The following CPQ variants were observed in gnomAD, a reference collection of about 807,000 sequenced individuals.
The protein encoded by CPQ is carboxypeptidase Q, also known as Ser-Met dipeptidase.
In CPQ, 37 loss-of-function variants were observed where a neutral mutation model predicts 45.7. That is an observed-to-expected ratio of 0.81 (90% CI 0.62 to 1.07). The LOEUF (loss-of-function observed/expected upper bound fraction) is 1.07. Among genes scored for constraint, CPQ ranks in the 50% least tolerant of loss-of-function variants. The pLI, the probability that CPQ is intolerant of heterozygous loss-of-function variation, is 0.00. For missense variants in CPQ, 537 were observed against 572.9 expected (o/e 0.94, Z 0.64); for synonymous variants, 186 against 205.8 (o/e 0.90, Z 0.82).
intron 2 of CPQ, among the ~76,000 whole-genome samples, chr8:96,795,505 A>G (rs1810916594): frequency 6.6e-6 from 1 of 151,884 alleles, no homozygotes; most frequent in South Asian, 2.1e-4. Context: ...TATCATTTCT[A>G]TTTTTCCTTT....
At chr8:96,954,334 T>A (rs1209077499) in intron 4 of CPQ, among the ~76,000 whole-genome samples, 2 of 152,236 alleles carry the variant, frequency 1.3e-5, no homozygotes, top group East Asian at 3.9e-4. Context: ...TTTAACTGAT[T>A]TAATGTATGA....
chr8:96,652,061 T>C (rs1815582593), intron 1 of CPQ, among the ~76,000 whole-genome samples: 2 of 152,234 alleles, frequency 1.3e-5, no homozygotes, highest in Admixed American at 1.3e-4. Flanking sequence ...ATGCTGACAA[T>C]ATAATCTCAA....
At chr8:96,652,726 G>T (rs967853915) in intron 1 of CPQ, among the ~76,000 whole-genome samples, 5 of 152,036 alleles carry the variant, frequency 3.3e-5, no homozygotes, top group Admixed American at 1.3e-4. Context: ...TCCGCCTCCC[G>T]GGTTCACGCC....
chr8:96,857,653 A>G (rs753047845), intron 3 of CPQ, among the ~76,000 whole-genome samples: 8 of 152,214 alleles, frequency 5.3e-5, no homozygotes, highest in Non-Finnish European at 7.3e-5. Context: ...CAGGTAGTCA[A>G]TAAATATTTA....
At chr8:96,737,377 T>TATATATA (rs1554561448) in intron 1 of CPQ, among the ~76,000 whole-genome samples, 5 of 147,318 alleles carry the variant, frequency 3.4e-5, no homozygotes, top group African/African-American at 5.0e-5. Flanking sequence ...TATGAGTTTA[T>TATATATA]TAAGTATTAA....
At chr8:97,010,621 C>A (rs1349357608) in intron 5 of CPQ, among the ~76,000 whole-genome samples, 3 of 152,142 alleles carry the variant, frequency 2.0e-5, no homozygotes, top group African/African-American at 7.2e-5. Flanking sequence ...ATCAGTGGAA[C>A]TGTAAATACT....
chr8:96,813,100 A>AAAGGCCC (rs558555119), intron 2 of CPQ, among the ~76,000 whole-genome samples: 2 of 152,144 alleles, frequency 1.3e-5, no homozygotes, highest in Non-Finnish European at 2.9e-5. Context: ...GACAACAGGA[A>AAAGGCCC]AAGGCCCAAA....
chr8:96,727,209 T>C (rs1809854786), intron 1 of CPQ, among the ~76,000 whole-genome samples: 1 of 152,226 alleles, frequency 6.6e-6, no homozygotes, highest in Admixed American at 6.5e-5. Flanking sequence ...AATCATTTTC[T>C]AGCCCTTTAG....
intron 3 of CPQ, among the ~76,000 whole-genome samples, chr8:96,871,953 A>G (rs1812076341): frequency 6.6e-6 from 1 of 151,930 alleles, no homozygotes; most frequent in Non-Finnish European, 1.5e-5. Flanking sequence ...TTGTTCTCCA[A>G]AGCAAAATAA....
intron 3 of CPQ, among the ~76,000 whole-genome samples, chr8:96,864,119 G>A (rs1325579123): frequency 6.6e-6 from 1 of 151,998 alleles, no homozygotes; most frequent in Non-Finnish European, 1.5e-5. Flanking sequence ...AATTGAGGGA[G>A]AGGGTGGTTT....
In CPQ at chr8:96,879,960, C is replaced by T; in HGVS notation, c.804C>T (p.Ser268=). The change falls in exon 4 of 8, where the codon TCC becomes TCT. Residue 268 remains serine (S), a synonymous_variant. Coordinates refer to ENST00000220763, the MANE Select transcript of CPQ (RefSeq NM_016134.4). The stretch of plus-strand genomic sequence containing the variant: ...CAAAGACCTACCCAGATACTGATTC[C>T]TTCAACACTGTAGCAGAGATCACTG... The part of the protein sequence containing the change: ...MGAKTYPDTD[S]FNTVAEITGS... 1 of 1,614,046 alleles carries T rather than the reference C, an allele frequency of 6.2e-7. No homozygotes were observed. The highest frequency in any genetic ancestry group is 1.1e-5 in the South Asian group (1 of 91,076).
rs545705029 is a variant in CPQ at position 96,743,311 on chromosome 8, T to G, written c.-34-41553T>G. On this transcript the variant is annotated intron_variant, in intron 1 of 7. Transcript: ENST00000220763. ...CATTCTTCACGTAGTTCTCGAGCCT[T>G]GGTTTTCAGCTCCATCAGCTCCTTT... Among the ~76,000 whole-genome samples the G allele has an allele frequency of 1.8e-3, 279 of 151,782 alleles. 3 individuals are homozygous for G. The highest frequency in any genetic ancestry group is 1.5e-4 in the Non-Finnish European group (10 of 67,732).
chr8:96,902,359 G>A (rs1812522100), intron 4 of CPQ, among the ~76,000 whole-genome samples: 2 of 152,302 alleles, frequency 1.3e-5, no homozygotes, highest in African/African-American at 4.8e-5. Flanking sequence ...TAAATTGTCC[G>A]ATGTTGCATA....
At position 97,040,550 on chromosome 8, in the gene CPQ, G is replaced by T. The variant is rs200952016; in HGVS notation, c.1053+11056G>T. On this transcript the variant is annotated intron_variant, in intron 6 of 7. Coordinates refer to ENST00000220763, the MANE Select transcript of CPQ (RefSeq NM_016134.4). Reference sequence around the variant, plus strand: ...CGCTTTTGGTGTTTTAGACATGAAGGCCTTGCCCATGCCTATGTCCTGAAT... The same window carrying T: ...CGCTTTTGGTGTTTTAGACATGAAGTCCTTGCCCATGCCTATGTCCTGAAT... Among the ~76,000 whole-genome samples the T allele has an allele frequency of 1.9e-3, 283 of 152,218 alleles. 1 individual carries two copies. Among genetic ancestry groups the T allele is most frequent in the African/African-American group, 6.5e-3 (270 of 41,550 alleles).
At chr8:96,674,496 A>G (rs147938817) in intron 1 of CPQ, among the ~76,000 whole-genome samples, 1 of 152,226 alleles carries the variant, frequency 6.6e-6, no homozygotes, top group Non-Finnish European at 1.5e-5. Context: ...TAGAGACTTT[A>G]AAATAATGAA....
chr8:96,999,230 CT>C (rs56371640), intron 5 of CPQ, among the ~76,000 whole-genome samples: 1,991 of 142,420 alleles, frequency 0.014, 14 homozygotes, highest in African/African-American at 0.031. Context: ...TTTTCTTATC[CT>C]TTTTTTTTTT....
intron 3 of CPQ, among the ~76,000 whole-genome samples, chr8:96,842,518 G>GA (rs1563510830): frequency 7.9e-5 from 12 of 151,770 alleles, no homozygotes; most frequent in Non-Finnish European, 1.5e-4. Context: ...TCATGCAGGT[G>GA]GGGCCACTGT....
intron 6 of CPQ, among the ~76,000 whole-genome samples, chr8:97,056,837 G>T (rs950968112): frequency 1.3e-5 from 2 of 152,158 alleles, no homozygotes; most frequent in Non-Finnish European, 2.9e-5. Flanking sequence ...GCTCTCATGG[G>T]AACACTTTCA....
At chr8:96,913,525 A>G (rs189665079) in intron 4 of CPQ, among the ~76,000 whole-genome samples, 2 of 152,318 alleles carry the variant, frequency 1.3e-5, no homozygotes, top group East Asian at 1.9e-4. Flanking sequence ...ACTCTCCTCT[A>G]TCTTTTCAGT....
Sources: gnomAD v4.1 joint callset for allele counts (sites outside exome capture counted in the v4.1 genomes callset) on GRCh38, gnomAD v4.1.1 for gene constraint, MANE v1.5 for transcripts, NCBI Gene and HGNC (gene_info 2026-07-23, HGNC 2026-07-21) for gene names.